The following ARSG variants were observed in gnomAD, a reference collection of about 807,000 sequenced individuals.
ARSG encodes the protein arylsulfatase G.
A neutral mutation model predicts 50.5 loss-of-function variants in ARSG; 37 were observed. That is an observed-to-expected ratio of 0.73 (90% confidence interval 0.56 to 0.96). The LOEUF is 0.96. Among genes scored for constraint, ARSG ranks in the 50% least tolerant of loss-of-function variants. ARSG has a pLI of 0.00. For missense variants in ARSG, 629 were observed against 675.3 expected, an observed-to-expected ratio of 0.93 and a Z score of 0.76; for synonymous variants, 225 against 254.6, an observed-to-expected ratio of 0.88 and a Z score of 1.11.
intron 2 of ARSG, among the ~76,000 whole-genome samples, chr17:68,321,428 T>C (rs2077277924): frequency 1.3e-5 from 2 of 152,178 alleles, no homozygotes; most frequent in Non-Finnish European, 1.5e-5. Context: ...TTTCAGCTAC[T>C]TTCCAGTTCC....
intron 1 of ARSG, among the ~76,000 whole-genome samples, chr17:68,303,431 C>A (rs148778616): frequency 3.2e-4 from 48 of 151,498 alleles, no homozygotes; most frequent in African/African-American, 9.4e-4. Flanking sequence ...GGCTATGGAA[C>A]CATTTTCCTT....
At chr17:68,298,907 G>A (rs1555759809) in intron 1 of ARSG, among the ~76,000 whole-genome samples, 1 of 151,292 alleles carries the variant, frequency 6.6e-6, no homozygotes, top group African/African-American at 2.4e-5. Context: ...CACACTGAGA[G>A]TTAGGGCTTC....
chr17:68,374,720 C>T (rs1438977651), intron 8 of ARSG, among the ~76,000 whole-genome samples: 2 of 151,634 alleles, frequency 1.3e-5, no homozygotes, highest in Admixed American at 6.6e-5. Flanking sequence ...GGTATGGTGG[C>T]GGGCACCTGT....
intron 2 of ARSG, among the ~76,000 whole-genome samples, chr17:68,341,856 G>C (rs527806433): frequency 6.6e-6 from 1 of 152,070 alleles, no homozygotes; most frequent in Admixed American, 6.6e-5. Context: ...CTCTTGCTCT[G>C]TCGTCCAGAC....
At chr17:68,290,550 G>T (rs2075950635), upstream of ARSG, among the ~76,000 whole-genome samples, 1 of 152,238 alleles carries the variant, frequency 6.6e-6, no homozygotes, top group South Asian at 2.1e-4. Context: ...TCCCGCTGGG[G>T]ACAAACGGTG....
intron 8 of ARSG, chr17:68,380,004 A>G (rs907700014): frequency 5.6e-5 from 22 of 394,436 alleles, no homozygotes; most frequent in African/African-American, 4.2e-4. Flanking sequence ...CACGTAATAC[A>G]TGAATTTTCT....
At chr17:68,276,507 G>A (rs1174531091) in intron 1 of ARSG, among the ~76,000 whole-genome samples, 1 of 151,830 alleles carries the variant, frequency 6.6e-6, no homozygotes, top group African/African-American at 2.4e-5. Flanking sequence ...GGAATGCAAT[G>A]GCATGATCAT....
intron 11 of ARSG, among the ~76,000 whole-genome samples, chr17:68,415,652 T>C (rs750328430): frequency 3.9e-5 from 6 of 152,234 alleles, no homozygotes; most frequent in Non-Finnish European, 8.8e-5. Context: ...TGTTGCCGTC[T>C]ATCTCATTTC....
At chr17:68,335,693 A>G (rs1386713594) in intron 2 of ARSG, among the ~76,000 whole-genome samples, 13 of 152,168 alleles carry the variant, frequency 8.5e-5, no homozygotes, top group Non-Finnish European at 7.3e-5. Context: ...AGGTGCTAAC[A>G]TTGGAACATT....
chr17:68,361,002 T>G (rs1417606889), intron 6 of ARSG, among the ~76,000 whole-genome samples: 4 of 152,108 alleles, frequency 2.6e-5, no homozygotes, highest in Admixed American at 2.0e-4. Flanking sequence ...TTTTTGTATT[T>G]TTAGTAGAGA....
chr17:68,330,984 G>GA (rs1369485741), intron 2 of ARSG, among the ~76,000 whole-genome samples: 166 of 130,140 alleles, frequency 1.3e-3, no homozygotes, highest in African/African-American at 4.4e-3. Context: ...TTTGCGGGGG[G>GA]GGGGGGAGGT....
At chr17:68,392,158 T>C (rs2081023720) in intron 9 of ARSG, among the ~76,000 whole-genome samples, 3 of 152,384 alleles carry the variant, frequency 2.0e-5, no homozygotes, top group South Asian at 2.1e-4. Flanking sequence ...GGCCTCTTTC[T>C]TGGGAAAGTC....
At chr17:68,442,238 C>T in the ARSG span, among the ~76,000 whole-genome samples, 6 of 152,088 alleles carry the variant, frequency 3.9e-5, no homozygotes, top group Non-Finnish European at 5.9e-5. Flanking sequence ...CCAAGGCGGG[C>T]GGATCACTTG....
chr17:68,434,561 C>T, the ARSG span: 172 of 1,613,956 alleles, frequency 1.1e-4, no homozygotes, highest in African/African-American at 2.1e-3. Flanking sequence ...CAGACCTTTT[C>T]ATCCCTCTCC....
intron 8 of ARSG, among the ~76,000 whole-genome samples, chr17:68,376,388 C>T (rs2080154028): frequency 6.6e-6 from 1 of 151,554 alleles, no homozygotes; most frequent in South Asian, 2.1e-4. Context: ...GCAATCCTCC[C>T]ACCTCAGCCT....
intron 11 of ARSG, among the ~76,000 whole-genome samples, chr17:68,417,732 A>AATT (rs2082466200): frequency 3.2e-5 from 2 of 63,188 alleles, no homozygotes; most frequent in South Asian, 4.4e-4. Context: ...AGAGTTGCTG[A>AATT]ATTTTTTTTT....
At chr17:68,441,423 G>A in the ARSG span, among the ~76,000 whole-genome samples, 1 of 152,254 alleles carries the variant, frequency 6.6e-6, no homozygotes, top group Non-Finnish European at 1.5e-5. Flanking sequence ...ACGAGTGATT[G>A]TGTCTTCCTT....
chr17:68,396,193 C>T (rs1209663643), intron 10 of ARSG, among the ~76,000 whole-genome samples: 1 of 151,998 alleles, frequency 6.6e-6, no homozygotes, highest in East Asian at 1.9e-4. Context: ...ATTTTTGTAT[C>T]TTTAGTATAG....
At chr17:68,451,680 C>G in the ARSG span, among the ~76,000 whole-genome samples, 19 of 152,316 alleles carry the variant, frequency 1.2e-4, no homozygotes, top group South Asian at 3.5e-3. Context: ...AGAGGGGTGC[C>G]AATATGGGAG....
Sources: allele counts gnomAD v4.1 joint callset (sites outside exome capture counted in the v4.1 genomes callset), GRCh38; gene constraint gnomAD v4.1.1; transcripts MANE v1.5; gene names NCBI Gene and HGNC (gene_info 2026-07-23, HGNC 2026-07-21).